The following CCDC73 variants were observed in gnomAD, a reference collection of about 807,000 sequenced individuals.
The protein encoded by CCDC73 is coiled-coil domain containing 73.
A neutral mutation model predicts 116.5 loss-of-function variants in CCDC73; 95 were observed. The ratio of observed to expected loss-of-function variants is 0.82; its 90% CI spans 0.69 to 0.97. The LOEUF is 0.97. CCDC73 is among the 50% of genes least tolerant of loss of function. The probability of loss-of-function intolerance (pLI) is 0.00; values close to 1 mark genes in which losing one functional copy is unlikely to be tolerated. For synonymous variants in CCDC73, 398 were observed against 401.3 expected, an observed-to-expected ratio of 0.99 and a Z score of 0.10; for missense variants, 1,066 against 1,206.8, an observed-to-expected ratio of 0.88 and a Z score of 1.73.
chr11:32,626,806 C>T (rs1453022327), intron 14 of CCDC73, among the ~76,000 whole-genome samples: 3 of 152,182 alleles, frequency 2.0e-5, no homozygotes. Context: ...TTCCTTACAC[C>T]TTATACAAAA....
At chr11:32,662,108 A>C (rs1855934575) in intron 9 of CCDC73, among the ~76,000 whole-genome samples, 1 of 152,194 alleles carries the variant, frequency 6.6e-6, no homozygotes. Flanking sequence ...GGTTGGTTCC[A>C]AGTCTTTGCT....
At chr11:32,723,054 G>T (rs1330265975) in intron 2 of CCDC73, among the ~76,000 whole-genome samples, 1 of 152,064 alleles carries the variant, frequency 6.6e-6, no homozygotes, top group East Asian at 1.9e-4. Context: ...GGATTGTTAT[G>T]ATATATATTC....
At chr11:32,731,318 G>C (rs536010969) in intron 2 of CCDC73, among the ~76,000 whole-genome samples, 15 of 152,188 alleles carry the variant, frequency 9.9e-5, no homozygotes, top group African/African-American at 3.6e-4. Flanking sequence ...ATGGAGGCCT[G>C]CCTGCCTCTG....
chr11:32,623,527 A>C (rs1400611567), intron 14 of CCDC73, among the ~76,000 whole-genome samples: 1 of 152,080 alleles, frequency 6.6e-6, no homozygotes, highest in African/African-American at 2.4e-5. Flanking sequence ...ATTTTTAAAA[A>C]AATTTTGTAG....
At chr11:32,704,514 G>A (rs1849839642) in intron 3 of CCDC73, among the ~76,000 whole-genome samples, 2 of 152,360 alleles carry the variant, frequency 1.3e-5, no homozygotes. Context: ...AGAGGGCTGA[G>A]GGTGGCTCAG....
At chr11:32,628,367 T>G (rs1374670427) in intron 14 of CCDC73, among the ~76,000 whole-genome samples, 2 of 152,212 alleles carry the variant, frequency 1.3e-5, no homozygotes, top group Non-Finnish European at 2.9e-5. Flanking sequence ...GGCAATGTAC[T>G]GAAGATGAAG....
chr11:32,763,845 C>A (rs542676989), intron 1 of CCDC73, among the ~76,000 whole-genome samples: 1 of 152,122 alleles, frequency 6.6e-6, no homozygotes, highest in Non-Finnish European at 1.5e-5. Flanking sequence ...AAACCCATCA[C>A]AAAGAAGCTA....
intron 2 of CCDC73, among the ~76,000 whole-genome samples, chr11:32,758,805 A>G (rs2133375646): frequency 6.6e-6 from 1 of 152,308 alleles, no homozygotes; most frequent in Admixed American, 6.5e-5. Flanking sequence ...AAGTTGTTTC[A>G]CTTAGGAAAG....
intron 7 of CCDC73, chr11:32,681,661 T>C (rs1856146893): frequency 6.6e-6 from 1 of 151,984 alleles, no homozygotes; most frequent in Non-Finnish European, 1.5e-5. Flanking sequence ...CCCAAAGTCG[T>C]GCCTTCACAC....
intron 2 of CCDC73, among the ~76,000 whole-genome samples, chr11:32,758,902 G>C (rs1210339995): frequency 6.6e-6 from 1 of 152,030 alleles, no homozygotes; most frequent in African/African-American, 2.4e-5. Context: ...TCTTAAAACA[G>C]ACTTTTATTA....
intron 16 of CCDC73, 78 bp downstream of exon 16, chr11:32,613,344 C>T: frequency 1.6e-6 from 2 of 1,215,332 alleles, no homozygotes; most frequent in Non-Finnish European, 2.3e-6. Context: ...ACAAAATTTA[C>T]AAAATATGAC....
At chr11:32,734,603 G>C (rs1390452053) in intron 2 of CCDC73, among the ~76,000 whole-genome samples, 1 of 151,986 alleles carries the variant, frequency 6.6e-6, no homozygotes, top group African/African-American at 2.4e-5. Flanking sequence ...CTGGGTACTT[G>C]AGATTAGGGA....
At chr11:32,746,920 C>T (rs916408454) in intron 2 of CCDC73, among the ~76,000 whole-genome samples, 3 of 152,176 alleles carry the variant, frequency 2.0e-5, no homozygotes, top group Non-Finnish European at 4.4e-5. Context: ...CTGAAGCCTA[C>T]TTCTGTCGAC....
chr11:32,609,302 C>T (rs975471229), intron 17 of CCDC73, among the ~76,000 whole-genome samples: 1 of 152,146 alleles, frequency 6.6e-6, no homozygotes, highest in Non-Finnish European at 1.5e-5. Flanking sequence ...ATTTCTTCTG[C>T]CAGATACCCT....
rs1565056982 is a variant in CCDC73, at chr11:32,614,851, G to A, written c.1467C>T (p.Thr489=). Residue 489 remains threonine (T), a synonymous_variant, in exon 16 of 18, where the codon ACC becomes ACT. Transcript: ENST00000335185. ...ENQSEISLSK[T]LSLDKEVISQ... ...TAATTACTTCTTTATCTAAGGAGAG[G>A]GTTTTGCTTAAGGAGATTTCACTTT... The A allele has an allele frequency of 1.9e-6, 3 of 1,612,644 alleles. No individual in the cohort carries two copies. Among genetic ancestry groups the A allele is most frequent in the Non-Finnish European group, 2.5e-6 (3 of 1,179,226 alleles).
At chr11:32,648,519 A>C (rs904088907) in intron 12 of CCDC73, among the ~76,000 whole-genome samples, 1 of 151,904 alleles carries the variant, frequency 6.6e-6, no homozygotes, top group African/African-American at 2.4e-5. Flanking sequence ...ATGCTACATC[A>C]GTGGAAATGT....
chr11:32,761,748 T>C (rs1291309751), intron 1 of CCDC73, among the ~76,000 whole-genome samples: 1 of 151,890 alleles, frequency 6.6e-6, no homozygotes, highest in Non-Finnish European at 1.5e-5. Flanking sequence ...TATGCACATA[T>C]ATATAGACAC....
chr11:32,653,873 TTAAC>T (rs141500528), intron 11 of CCDC73, 101 bp downstream of exon 11: 48,327 of 1,272,448 alleles, frequency 0.038, 1,088 homozygotes, highest in Non-Finnish European at 0.04. Flanking sequence ...TTAATACACA[TTAAC>T]TGAGTGCCTA....
At chr11:32,631,605 A>AG (rs1855631165) in intron 14 of CCDC73, among the ~76,000 whole-genome samples, 1 of 126,208 alleles carries the variant, frequency 7.9e-6, no homozygotes, top group African/African-American at 2.8e-5. Context: ...AAGGAAGGAA[A>AG]GGAAGGGAAG....
Sources: allele counts gnomAD v4.1 joint callset (sites outside exome capture counted in the v4.1 genomes callset), GRCh38; gene constraint gnomAD v4.1.1; transcripts MANE v1.5; gene names NCBI Gene and HGNC (gene_info 2026-07-23, HGNC 2026-07-21).